IMMP2L: variants seen among roughly 807,000 people sequenced by gnomAD.
The protein encoded by IMMP2L is mitochondrial inner membrane protease subunit 2.
A neutral mutation model predicts 19.3 loss-of-function variants in IMMP2L; 18 were observed. The observed-to-expected ratio is 0.93, with a 90% CI of 0.64 to 1.38. IMMP2L has a LOEUF of 1.38. Among genes scored for constraint, IMMP2L ranks in the 40% most tolerant of loss-of-function variants. The pLI is 0.00. For missense variants in IMMP2L, 233 were observed against 218.2 expected (o/e 1.07, Z -0.43); for synonymous variants, 76 against 73.0 (o/e 1.04, Z -0.21).
At chr7:110,994,800 A>G (rs1822864282) in intron 3 of IMMP2L, among the ~76,000 whole-genome samples, 1 of 152,208 alleles carries the variant, frequency 6.6e-6, no homozygotes, top group African/African-American at 2.4e-5. Flanking sequence ...ACTGGCTGAC[A>G]GTGATAAGGT....
At chr7:110,769,004 T>C (rs540055691) in intron 5 of IMMP2L, among the ~76,000 whole-genome samples, 77 of 152,318 alleles carry the variant, frequency 5.1e-4, no homozygotes, top group African/African-American at 1.8e-3. Context: ...CTTAAATTTT[T>C]TGTTAATGAA....
chr7:111,504,851 C>A (rs891972032), intron 2 of IMMP2L, among the ~76,000 whole-genome samples: 2 of 151,944 alleles, frequency 1.3e-5, no homozygotes, highest in African/African-American at 4.8e-5. Flanking sequence ...ACATGTTAGA[C>A]CTAAAACCAT....
intron 5 of IMMP2L, among the ~76,000 whole-genome samples, chr7:110,668,201 C>T (rs146764101): frequency 3.9e-5 from 6 of 152,198 alleles, no homozygotes; most frequent in Admixed American, 6.5e-5. Context: ...CTTTGTTTCA[C>T]GTCTGGAAAA....
intron 5 of IMMP2L, among the ~76,000 whole-genome samples, chr7:110,694,611 T>G (rs1030797674): frequency 6.6e-6 from 1 of 152,076 alleles, no homozygotes; most frequent in Non-Finnish European, 1.5e-5. Flanking sequence ...GACTGAGGCA[T>G]AGTGAAACAG....
intron 1 of IMMP2L, among the ~76,000 whole-genome samples, chr7:111,535,945 T>C (rs1377574512): frequency 6.6e-6 from 1 of 152,104 alleles, no homozygotes; most frequent in East Asian, 1.9e-4. Flanking sequence ...AGGTTGATTC[T>C]GGGGCTGTGG....
chr7:111,018,405 TG>T (rs1317865365), intron 3 of IMMP2L, among the ~76,000 whole-genome samples: 1 of 152,170 alleles, frequency 6.6e-6, no homozygotes, highest in Non-Finnish European at 1.5e-5. Context: ...CATGAAATGG[TG>T]GATGAAAAGT....
chr7:110,857,652 T>G (rs2129542359), intron 5 of IMMP2L, among the ~76,000 whole-genome samples: 1 of 152,220 alleles, frequency 6.6e-6, no homozygotes, highest in Admixed American at 6.6e-5. Context: ...TTTATTAGTC[T>G]TATGAGTACT....
intron 2 of IMMP2L, among the ~76,000 whole-genome samples, chr7:111,507,209 G>A (rs972735354): frequency 2.6e-5 from 4 of 151,992 alleles, no homozygotes; most frequent in African/African-American, 9.7e-5. Context: ...TTATTTTGAG[G>A]ATCTTTTGCC....
In IMMP2L at chr7:110,730,584, A is replaced by G. The variant is rs145630719; in HGVS notation, c.409-66863T>C. 4.0e-3 allele frequency among the ~76,000 whole-genome samples: 597 copies of G among 148,822 alleles called. 14 individuals carry two copies. The highest frequency in any genetic ancestry group is 0.032 in the East Asian group (161 of 4,966). On this transcript the variant is annotated intron_variant, in intron 5 of 5. Coordinates refer to ENST00000405709, the MANE Select transcript of IMMP2L (RefSeq NM_032549.4). The stretch of plus-strand genomic sequence containing the variant: ...CGCTCTGTTGCCCAGGCTGGAGTGC[A>G]TGCCATCTCGGCTCACTGCAAGCTC...
In IMMP2L at chr7:111,204,230, C is replaced by A. The variant is rs116155700; in HGVS notation, c.240-240665G>T. 5.3e-3 allele frequency among the ~76,000 whole-genome samples: 801 copies of A among 152,238 alleles called. 10 individuals are homozygous for A. Among genetic ancestry groups the A allele is most frequent in the African/African-American group, 0.018 (740 of 41,554 alleles). The stretch of plus-strand genomic sequence containing the variant: ...TGAAAATACTTTCACAAGCCCACAT[C>A]GCTCACTGATGCAAATGTCTCATGA... On this transcript the variant is annotated intron_variant, in intron 3 of 5. Transcript: ENST00000405709.
intron 3 of IMMP2L, among the ~76,000 whole-genome samples, chr7:111,421,643 G>A (rs887756366): frequency 2.6e-5 from 4 of 151,748 alleles, no homozygotes; most frequent in African/African-American, 4.9e-5. Context: ...CGGGTAGATT[G>A]CAAAAATTTT....
chr7:111,028,266 G>A (rs1297062589), intron 3 of IMMP2L, among the ~76,000 whole-genome samples: 1 of 152,098 alleles, frequency 6.6e-6, no homozygotes, highest in Non-Finnish European at 1.5e-5. Context: ...AACTTGGTAA[G>A]TCTGTCATAT....
intron 5 of IMMP2L, among the ~76,000 whole-genome samples, chr7:110,706,615 A>G (rs1254872685): frequency 6.6e-6 from 1 of 152,126 alleles, no homozygotes; most frequent in Non-Finnish European, 1.5e-5. Flanking sequence ...GGTGATGCTG[A>G]GCATTTTTTC....
At chr7:111,150,763 G>C (rs1019788100) in intron 3 of IMMP2L, among the ~76,000 whole-genome samples, 1 of 152,118 alleles carries the variant, frequency 6.6e-6, no homozygotes, top group Non-Finnish European at 1.5e-5. Context: ...AGCCTTATTG[G>C]CTATTCTTTT....
intron 5 of IMMP2L, among the ~76,000 whole-genome samples, chr7:110,685,675 T>C (rs1293426011): frequency 6.6e-6 from 1 of 152,154 alleles, no homozygotes; most frequent in Non-Finnish European, 1.5e-5. Context: ...TTAGAAAATC[T>C]ATCTCTAATA....
intron 5 of IMMP2L, among the ~76,000 whole-genome samples, chr7:110,840,205 T>G (rs368596439): frequency 2.0e-5 from 3 of 152,096 alleles, no homozygotes; most frequent in South Asian, 4.1e-4. Context: ...ACTTTCACCC[T>G]CAGACATAGG....
At chr7:111,504,846 T>G (rs1419317733) in intron 2 of IMMP2L, among the ~76,000 whole-genome samples, 2 of 152,066 alleles carry the variant, frequency 1.3e-5, no homozygotes, top group Non-Finnish European at 2.9e-5. Context: ...GACTTACATG[T>G]TAGACCTAAA....
intron 5 of IMMP2L, among the ~76,000 whole-genome samples, chr7:110,752,608 G>A (rs1797791110): frequency 6.6e-6 from 1 of 151,974 alleles, no homozygotes; most frequent in Non-Finnish European, 1.5e-5. Context: ...TACGGCAGCA[G>A]GGTTGTTCTG....
At chr7:111,495,808 T>C (rs1843541777) in intron 2 of IMMP2L, among the ~76,000 whole-genome samples, 1 of 152,184 alleles carries the variant, frequency 6.6e-6, no homozygotes, top group African/African-American at 2.4e-5. Flanking sequence ...AGCCTGGTTT[T>C]GACCTTACTT....
Sources: gnomAD v4.1 joint callset for allele counts (sites outside exome capture counted in the v4.1 genomes callset) on GRCh38, gnomAD v4.1.1 for gene constraint, MANE v1.5 for transcripts, NCBI Gene and HGNC (gene_info 2026-07-23, HGNC 2026-07-21) for gene names.